Variants in F13A1 observed in about 807,000 individuals in gnomAD.
The protein encoded by F13A1 is FSF, A subunit.
A neutral mutation model predicts 80.1 loss-of-function variants in F13A1; 47 were observed. That is an observed-to-expected ratio of 0.59 (90% CI 0.46 to 0.75). The LOEUF (loss-of-function observed/expected upper bound fraction) is 0.75, where lower values mean the gene tolerates loss of function less well. Among genes scored for constraint, F13A1 ranks in the 30% least tolerant of loss-of-function variants. The probability of loss-of-function intolerance (pLI) is 0.00; values close to 1 mark genes in which losing one functional copy is unlikely to be tolerated. For missense variants in F13A1, 817 were observed against 930.4 expected (o/e 0.88, Z 1.59); for synonymous variants, 349 against 344.9 (o/e 1.01, Z -0.13).
At chr6:6,242,631 T>A (rs914126074) in intron 6 of F13A1, among the ~76,000 whole-genome samples, 1 of 152,184 alleles carries the variant, frequency 6.6e-6, no homozygotes, top group Non-Finnish European at 1.5e-5. Context: ...AATGTTGAGA[T>A]CCTATGGAAT....
intron 10 of F13A1, among the ~76,000 whole-genome samples, chr6:6,191,244 C>T (rs1347650387): frequency 1.3e-5 from 2 of 152,192 alleles, no homozygotes; most frequent in African/African-American, 4.8e-5. Flanking sequence ...CATCTTGGCT[C>T]CTCCCTCCGA....
At chr6:6,155,725 C>A (rs1334926599) in intron 13 of F13A1, among the ~76,000 whole-genome samples, 2 of 152,190 alleles carry the variant, frequency 1.3e-5, no homozygotes, top group Admixed American at 1.3e-4. Context: ...ATGCTGCCAA[C>A]ACATAGTGTT....
At chr6:6,160,314 T>C (rs1300560159) in intron 13 of F13A1, among the ~76,000 whole-genome samples, 1 of 151,528 alleles carries the variant, frequency 6.6e-6, no homozygotes, top group Non-Finnish European at 1.5e-5. Context: ...TTCTCACTGT[T>C]GAATTTTTCT....
rs181033300 is a variant in F13A1, at chr6:6,300,977, C to G, written c.319+4374G>C. ...TTTAAAAATGAATAGAAATTATATT[C>G]TTTTTCGTTTTTAAACCATCACTTT... On this transcript the variant is annotated intron_variant, in intron 3 of 14. Coordinates refer to ENST00000264870, the MANE Select transcript of F13A1 (RefSeq NM_000129.4). Among the ~76,000 whole-genome samples the G allele has an allele frequency of 4.6e-5, 7 of 152,126 alleles. No homozygotes were observed. In the East Asian group the frequency reaches 1.4e-3, roughly 29 times the overall value.
chr6:6,302,806 G>A (rs1937802), intron 3 of F13A1, among the ~76,000 whole-genome samples: 10,256 of 152,244 alleles, frequency 0.067, 878 homozygotes, highest in African/African-American at 0.2. Flanking sequence ...ACCTATGCAT[G>A]ATCTGTCATT....
At chr6:6,229,980 C>A (rs533343436) in intron 6 of F13A1, among the ~76,000 whole-genome samples, 2 of 152,140 alleles carry the variant, frequency 1.3e-5, no homozygotes, top group East Asian at 3.9e-4. Context: ...CCCTGCCTGG[C>A]ACCACAGAGA....
At chr6:6,235,136 C>G (rs956520667) in intron 6 of F13A1, among the ~76,000 whole-genome samples, 2 of 151,828 alleles carry the variant, frequency 1.3e-5, no homozygotes, top group African/African-American at 4.8e-5. Context: ...TAAAAATGAA[C>G]TCAAAATGAA....
At chr6:6,235,101 T>C (rs1757397883) in intron 6 of F13A1, among the ~76,000 whole-genome samples, 1 of 152,014 alleles carries the variant, frequency 6.6e-6, no homozygotes, top group South Asian at 2.1e-4. Context: ...AAATACGAGC[T>C]TTGATTCATA....
In F13A1 at chr6:6,320,584, T is replaced by A. The variant is rs1366937089; in HGVS notation, c.-19+3A>T. 4 of 468,166 alleles carry A rather than the reference T, an allele frequency of 8.5e-6. No individual in the cohort carries two copies. The highest frequency in any genetic ancestry group is 1.8e-5 in the Non-Finnish European group (4 of 225,548). 29.0% of individuals were successfully genotyped at this position (468,166 alleles called of 1,614,324 possible). A position where few individuals can be genotyped will look rare whatever the true frequency, so the allele number is the denominator to read the frequency against. ...CTCATAGGGTGCAGGGTCGGTGGCT[T>A]ACCTGCAGGCGCTCCCCTCCAGAGG... On this transcript the variant is annotated splice_donor_region_variant and intron_variant, in intron 1 of 14. Coordinates refer to ENST00000264870, the MANE Select transcript of F13A1 (RefSeq NM_000129.4).
At chr6:6,178,123 C>G (rs962113733) in intron 11 of F13A1, among the ~76,000 whole-genome samples, 3 of 151,246 alleles carry the variant, frequency 2.0e-5, no homozygotes, top group Non-Finnish European at 4.4e-5. Flanking sequence ...GGCAGCAAGG[C>G]AGGGGCTAGA....
chr6:6,298,224 G>C (rs1422534060), intron 3 of F13A1, among the ~76,000 whole-genome samples: 19 of 146,590 alleles, frequency 1.3e-4, no homozygotes, highest in South Asian at 4.3e-4. Context: ...TGTATATTCT[G>C]TTGATTTGGG....
At chr6:6,300,499 C>A (rs7758773) in intron 3 of F13A1, among the ~76,000 whole-genome samples, 50,298 of 151,454 alleles carry the variant, frequency 0.33, 11,264 homozygotes, top group African/African-American at 0.63. Flanking sequence ...GGAGTGACCC[C>A]ATTTTCCAGG....
intron 13 of F13A1, 102 bp downstream of exon 13, chr6:6,167,356 A>T: frequency 8.7e-7 from 1 of 1,152,800 alleles, no homozygotes; most frequent in Non-Finnish European, 1.2e-6. Flanking sequence ...TGAGCAGGAC[A>T]TTCATTCACA....
At position 6,151,878 on chromosome 6, in the gene F13A1, G is replaced by A. The variant is rs1230643708; in HGVS notation, c.1980C>T (p.Thr660=). ...TVEFTNPLKE[T]LRNVWVHLDG... Reference sequence around the variant, plus strand: ...CCAGGTGTACCCAGACATTTCGCAGGGTTTCTTTTAAAGGATTGGTAAACT... The same window carrying A: ...CCAGGTGTACCCAGACATTTCGCAGAGTTTCTTTTAAAGGATTGGTAAACT... The change falls in exon 14 of 15, where the codon ACC becomes ACT. Residue 660 remains threonine, a synonymous_variant. Transcript: ENST00000264870. The A allele has an allele frequency of 3.7e-6, 6 of 1,613,902 alleles. No homozygotes were observed. Among genetic ancestry groups the A allele is most frequent in the Non-Finnish European group, 5.1e-6 (6 of 1,179,966 alleles).
At chr6:6,307,490 G>C (rs1179236620) in intron 2 of F13A1, among the ~76,000 whole-genome samples, 6 of 152,104 alleles carry the variant, frequency 3.9e-5, no homozygotes, top group Non-Finnish European at 7.4e-5. Flanking sequence ...AAATGTTCCT[G>C]TTGAAAAGGA....
intron 11 of F13A1, among the ~76,000 whole-genome samples, chr6:6,178,020 G>A (rs1177308423): frequency 3.5e-5 from 4 of 114,962 alleles, no homozygotes; most frequent in Non-Finnish European, 7.0e-5. Context: ...AGTTAGGACT[G>A]GATGCCCTGG....
At chr6:6,150,767 A>G (rs540844585) in intron 14 of F13A1, among the ~76,000 whole-genome samples, 2 of 152,312 alleles carry the variant, frequency 1.3e-5, no homozygotes, top group African/African-American at 4.8e-5. Context: ...TGTGGTAGAA[A>G]TGAAAGTAAT....
At chr6:6,248,186 T>C (rs1236553550) in intron 6 of F13A1, 126 bp downstream of exon 6, 85 of 852,052 alleles carry the variant, frequency 1.0e-4, no homozygotes, top group Non-Finnish European at 1.4e-4. Context: ...TGTCAGAAGC[T>C]AGAATCTTAC....
chr6:6,238,810 C>T (rs1382342444), intron 6 of F13A1, among the ~76,000 whole-genome samples: 1 of 151,660 alleles, frequency 6.6e-6, no homozygotes, highest in East Asian at 1.9e-4. Context: ...AATGAAATGC[C>T]ACTATATACC....
Sources: allele counts gnomAD v4.1 joint callset (sites outside exome capture counted in the v4.1 genomes callset), GRCh38; gene constraint gnomAD v4.1.1; transcripts MANE v1.5; gene names NCBI Gene and HGNC (gene_info 2026-07-23, HGNC 2026-07-21).